CENPW: variants seen among roughly 807,000 people sequenced by gnomAD.
The protein encoded by CENPW is centromere protein W.
CENPW carries 3 observed loss-of-function variants against 11.1 expected under a neutral mutation model. That is an observed-to-expected ratio of 0.27 (90% CI 0.12 to 0.70). CENPW has a LOEUF of 0.70. Among genes scored for constraint, CENPW ranks in the 30% least tolerant of loss-of-function variants. The pLI is 0.77. For synonymous variants in CENPW, 38 were observed against 42.0 expected (o/e 0.91, Z 0.37); for missense variants, 100 against 105.6 (o/e 0.95, Z 0.23).
At chr6:126,366,717 T>C in the CENPW span, among the ~76,000 whole-genome samples, 1 of 152,366 alleles carries the variant, frequency 6.6e-6, no homozygotes, top group South Asian at 2.1e-4. Flanking sequence ...ATCTAACTAT[T>C]TGAGAGTATA....
chr6:126,457,033 C>A, the CENPW span, among the ~76,000 whole-genome samples: 35 of 150,608 alleles, frequency 2.3e-4, no homozygotes, highest in Admixed American at 1.2e-3. Context: ...TATTAAAAAT[C>A]AAAAAAATAA....
At chr6:126,413,709 TA>T in the CENPW span, among the ~76,000 whole-genome samples, 5 of 151,092 alleles carry the variant, frequency 3.3e-5, no homozygotes, top group East Asian at 1.9e-4. Flanking sequence ...CTGATCACCA[TA>T]AAAAAAACCA....
chr6:126,399,780 C>A, the CENPW span, among the ~76,000 whole-genome samples: 1 of 151,996 alleles, frequency 6.6e-6, no homozygotes, highest in African/African-American at 2.4e-5. Context: ...TCAACCTGAT[C>A]ATGGTTAGAA....
chr6:126,351,972 A>G (rs1263159453), downstream of CENPW, among the ~76,000 whole-genome samples: 3 of 151,958 alleles, frequency 2.0e-5, no homozygotes, highest in African/African-American at 7.3e-5. Context: ...CTTCAAAATC[A>G]CCTGGAAGAT....
chr6:126,390,290 T>A, the CENPW span, among the ~76,000 whole-genome samples: 2 of 151,914 alleles, frequency 1.3e-5, no homozygotes, highest in Admixed American at 6.6e-5. Flanking sequence ...ATTATCCACA[T>A]TGCAACTAAA....
chr6:126,362,237 G>A, the CENPW span, among the ~76,000 whole-genome samples: 1 of 152,176 alleles, frequency 6.6e-6, no homozygotes, highest in Admixed American at 6.5e-5. Context: ...ATCTATGGCT[G>A]CCCTTTGTTG....
At chr6:126,405,060 A>C in the CENPW span, among the ~76,000 whole-genome samples, 2 of 152,086 alleles carry the variant, frequency 1.3e-5, no homozygotes, top group South Asian at 4.1e-4. Context: ...GATGGTGTTG[A>C]ATAAGACATT....
At chr6:126,458,648 G>A in the CENPW span, among the ~76,000 whole-genome samples, 4 of 151,208 alleles carry the variant, frequency 2.6e-5, no homozygotes, top group African/African-American at 9.7e-5. Flanking sequence ...TCAACCTACT[G>A]AGAGAATAAA....
the CENPW span, among the ~76,000 whole-genome samples, chr6:126,459,765 G>A: frequency 6.6e-6 from 1 of 151,500 alleles, no homozygotes; most frequent in East Asian, 1.9e-4. Flanking sequence ...TATTAGAAGA[G>A]ATCACTCAAC....
chr6:126,372,741 A>G, the CENPW span, among the ~76,000 whole-genome samples: 27 of 152,360 alleles, frequency 1.8e-4, no homozygotes, highest in African/African-American at 6.5e-4. Flanking sequence ...AGAAGGAGTT[A>G]TAATGTCTAG....
chr6:126,429,480 C>G, the CENPW span, among the ~76,000 whole-genome samples: 1 of 151,966 alleles, frequency 6.6e-6, no homozygotes, highest in African/African-American at 2.4e-5. Flanking sequence ...GGCACCTCCC[C>G]CCAACTCTCT....
the CENPW span, among the ~76,000 whole-genome samples, chr6:126,371,785 A>G: frequency 2.0e-5 from 3 of 151,950 alleles, no homozygotes; most frequent in Non-Finnish European, 2.9e-5. Context: ...CAGCGTTTCT[A>G]TTTCTTCCTG....
chr6:126,469,510 T>G, the CENPW span, among the ~76,000 whole-genome samples: 1 of 151,852 alleles, frequency 6.6e-6, no homozygotes, highest in Non-Finnish European at 1.5e-5. Context: ...ACTAACAGAG[T>G]GGAGTACTGC....
At chr6:126,442,202 A>G in the CENPW span, among the ~76,000 whole-genome samples, 1 of 151,628 alleles carries the variant, frequency 6.6e-6, no homozygotes, top group Non-Finnish European at 1.5e-5. Flanking sequence ...TCTGATAATT[A>G]GCGATGTTGA....
At chr6:126,469,424 CTCT>C in the CENPW span, among the ~76,000 whole-genome samples, 1 of 152,138 alleles carries the variant, frequency 6.6e-6, no homozygotes, top group East Asian at 1.9e-4. Flanking sequence ...TCAGTTAAAC[CTCT>C]TGTTTATAAA....
the CENPW span, among the ~76,000 whole-genome samples, chr6:126,457,252 A>G: frequency 6.6e-6 from 1 of 151,554 alleles, no homozygotes; most frequent in East Asian, 1.9e-4. Flanking sequence ...TTATAAAGAC[A>G]TATGCACATG....
At chr6:126,440,364 A>G in the CENPW span, among the ~76,000 whole-genome samples, 2 of 151,694 alleles carry the variant, frequency 1.3e-5, no homozygotes, top group African/African-American at 4.8e-5. Flanking sequence ...TGGGAATTTC[A>G]GAATCTGACT....
the CENPW span, among the ~76,000 whole-genome samples, chr6:126,430,939 A>AAAAAT: frequency 6.6e-6 from 1 of 152,082 alleles, no homozygotes; most frequent in Non-Finnish European, 1.5e-5. Flanking sequence ...TAAACAAATA[A>AAAAAT]AAAATAAAAT....
the CENPW span, among the ~76,000 whole-genome samples, chr6:126,424,538 T>C: frequency 1.3e-5 from 2 of 152,146 alleles, no homozygotes; most frequent in Non-Finnish European, 2.9e-5. Context: ...ACCACACAGT[T>C]AGCCTCAATG....
Sources: allele counts gnomAD v4.1 joint callset (sites outside exome capture counted in the v4.1 genomes callset), GRCh38; gene constraint gnomAD v4.1.1; transcripts MANE v1.5; gene names NCBI Gene and HGNC (gene_info 2026-07-23, HGNC 2026-07-21).